Variants in ZNF676 observed in about 807,000 individuals in gnomAD.
The protein encoded by ZNF676 is zinc finger protein 676.
A neutral mutation model predicts 6.0 loss-of-function variants in ZNF676; 4 were observed. The observed-to-expected ratio is 0.67, with a 90% CI of 0.33 to 1.53. ZNF676 has a LOEUF of 1.53. Ranked by LOEUF, ZNF676 falls within the 40% of genes most tolerant of loss-of-function variation. The probability of loss-of-function intolerance (pLI) is 0.06; values close to 1 mark genes in which losing one functional copy is unlikely to be tolerated. For synonymous variants in ZNF676, 198 were observed against 223.1 expected, an observed-to-expected ratio of 0.89 and a Z score of 1.00; for missense variants, 644 against 679.7, an observed-to-expected ratio of 0.95 and a Z score of 0.58.
At chr19:22,235,113 C>CAGGAAGGAAGGAAGGAAGGA in the ZNF676 span, among the ~76,000 whole-genome samples, 14 of 102,758 alleles carry the variant, frequency 1.4e-4, no homozygotes, top group African/African-American at 6.1e-4. Flanking sequence ...GTCAGGAAGG[C>CAGGAAGGAAGGAAGGAAGGA]AGGAAGGCAG....
chr19:22,215,617 A>G, intron 1 of ZNF676: 1 of 1,609,534 alleles, frequency 6.2e-7, no homozygotes, highest in Non-Finnish European at 8.5e-7. Flanking sequence ...AGTGTGTCGG[A>G]CCCGGCACAC....
chr19:22,183,536 C>T (rs1387659525), intron 2 of ZNF676, among the ~76,000 whole-genome samples: 1 of 132,818 alleles, frequency 7.5e-6, no homozygotes, highest in African/African-American at 3.0e-5. Flanking sequence ...TGAGGTTTCA[C>T]AATGTTGGCC....
the ZNF676 span, among the ~76,000 whole-genome samples, chr19:22,232,645 G>C: frequency 2.8e-3 from 431 of 151,994 alleles, 3 homozygotes; most frequent in Admixed American, 5.7e-3. Flanking sequence ...AAAACATTCT[G>C]CTTGATAGAC....
At chr19:22,233,889 T>G in the ZNF676 span, among the ~76,000 whole-genome samples, 6 of 152,216 alleles carry the variant, frequency 3.9e-5, no homozygotes, top group East Asian at 1.2e-3. Context: ...CACCCATTGG[T>G]TAGCACTCAC....
the ZNF676 span, among the ~76,000 whole-genome samples, chr19:22,221,583 G>A: frequency 2.6e-5 from 4 of 152,022 alleles, no homozygotes; most frequent in East Asian, 1.9e-4. Flanking sequence ...AAACCCCATC[G>A]CTACTAAAAA....
chr19:22,236,199 C>T, the ZNF676 span, among the ~76,000 whole-genome samples: 2 of 151,778 alleles, frequency 1.3e-5, no homozygotes, highest in South Asian at 2.1e-4. Flanking sequence ...TTGGCTTTTC[C>T]CACCCTAATA....
At chr19:22,227,646 C>T in the ZNF676 span, among the ~76,000 whole-genome samples, 1 of 151,966 alleles carries the variant, frequency 6.6e-6, no homozygotes, top group Non-Finnish European at 1.5e-5. Flanking sequence ...AGAGAGGAAT[C>T]AAATAGATGC....
In ZNF676 at chr19:22,180,202, G is replaced by C. The variant is rs762995267; in HGVS notation, c.1515C>G (p.Tyr505Ter). Residue 505 changes from tyrosine (Y) to a stop codon, truncating the protein, a stop_gained, in exon 3 of 3, where the codon TAC becomes TAG. Coordinates refer to ENST00000397121, the MANE Select transcript of ZNF676 (RefSeq NM_001001411.3). LOFTEE classifies it low-confidence loss of function (END_TRUNC). Reference sequence around the variant, plus strand: ...AGGCTTTGCCACATTCTTCACATTTGTAGCGTTTCTCTCCAGTATGAATTA... The same window carrying C: ...AGGCTTTGCCACATTCTTCACATTTCTAGCGTTTCTCTCCAGTATGAATTA... ...HKIIHTGEKR[Y>*]KCEECGKAFS... 8.5e-5 allele frequency: 137 copies of C among 1,613,424 alleles called. 1 individual carries two copies. The South Asian group carries it at 1.4e-3, about 17-fold the overall frequency.
intron 1 of ZNF676, among the ~76,000 whole-genome samples, chr19:22,195,784 C>A (rs973948783): frequency 7.9e-5 from 12 of 152,176 alleles, no homozygotes; most frequent in African/African-American, 2.9e-4. Flanking sequence ...ATCCATGGGA[C>A]CTTGTGAAAG....
the ZNF676 span, among the ~76,000 whole-genome samples, chr19:22,247,815 C>T: frequency 6.6e-6 from 1 of 152,146 alleles, no homozygotes; most frequent in African/African-American, 2.4e-5. Context: ...TAGGCATGTA[C>T]AGGATCATAA....
chr19:22,208,883 G>A (rs1383912066), intron 1 of ZNF676, among the ~76,000 whole-genome samples: 1 of 152,156 alleles, frequency 6.6e-6, no homozygotes, highest in Non-Finnish European at 1.5e-5. Context: ...GTGAGTTTCA[G>A]CGAGCCAAGA....
chr19:22,179,409 A>G lies in ZNF676; in HGVS notation c.*541T>C. The G allele has an allele frequency of 3.0e-6, 1 of 328,862 alleles. No homozygotes were observed. Among genetic ancestry groups the G allele is most frequent in the Non-Finnish European group, 6.0e-6 (1 of 167,610 alleles). 20.4% of individuals were successfully genotyped at this position (328,862 alleles called of 1,614,324 possible). ...GTTGTCTTATATGTAGTAAGCCTTA[A>G]GGACTGGTTAAAGGCTTTGCCACAT... On this transcript the variant is annotated 3_prime_UTR_variant, in exon 3 of 3. Coordinates refer to ENST00000397121, the MANE Select transcript of ZNF676 (RefSeq NM_001001411.3).
intron 2 of ZNF676, among the ~76,000 whole-genome samples, chr19:22,187,073 C>G (rs1203263463): frequency 6.6e-6 from 1 of 152,156 alleles, no homozygotes; most frequent in African/African-American, 2.4e-5. Flanking sequence ...ATACATTCTT[C>G]TCAGCATCAC....
the ZNF676 span, among the ~76,000 whole-genome samples, chr19:22,242,017 C>T: frequency 5.9e-5 from 9 of 151,940 alleles, no homozygotes; most frequent in Middle Eastern, 3.4e-3. Context: ...CACCTGAGGG[C>T]TTTATACAGT....
chr19:22,209,661 G>GA (rs1483702005), intron 1 of ZNF676, among the ~76,000 whole-genome samples: 1 of 152,016 alleles, frequency 6.6e-6, no homozygotes, highest in Non-Finnish European at 1.5e-5. Flanking sequence ...AAAGTTAAAA[G>GA]AAAAAAATCC....
chr19:22,244,445 C>T, the ZNF676 span: 6 of 152,200 alleles, frequency 3.9e-5, no homozygotes, highest in African/African-American at 1.2e-4. Flanking sequence ...TTGGCTGATT[C>T]CAGGTACGGG....
In ZNF676 at chr19:22,180,831, G is replaced by A. The variant is rs1158931278; in HGVS notation, c.886C>T (p.Leu296Phe). 1.3e-6 allele frequency: 2 copies of A among 1,594,398 alleles called. No individual in the cohort carries two copies. The highest frequency in any genetic ancestry group is 1.1e-5 in the South Asian group (1 of 90,422). ...CGKASNSSSKLMEHKRIHTGE... is the reference protein window; with the variant it reads ...CGKASNSSSKFMEHKRIHTGE... ...GTATGAATTCTCTTATGTTCCATGA[G>A]CTTTGAGGACGAGTTGGAAGCTTTG... Residue 296 changes from leucine to phenylalanine, a missense_variant, in exon 3 of 3, where the codon CTC (leucine) becomes TTC (phenylalanine). Around this residue, in one of 5 missense-constraint regions of ZNF676, gnomAD observed 28 missense variants for 83.7 expected, o/e 0.33. Coordinates refer to ENST00000397121, the MANE Select transcript of ZNF676 (RefSeq NM_001001411.3).
chr19:22,199,760 TAGAAAACAGAAC>T (rs1292346771), upstream of ZNF676, among the ~76,000 whole-genome samples: 7 of 152,160 alleles, frequency 4.6e-5, no homozygotes, highest in Non-Finnish European at 8.8e-5. Context: ...CTGCAAAGAA[TAGAAAACAGAAC>T]AGAAAACAGA....
intron 2 of ZNF676, among the ~76,000 whole-genome samples, chr19:22,192,501 G>T (rs371907631): frequency 2.6e-5 from 4 of 152,038 alleles, no homozygotes; most frequent in South Asian, 4.2e-4. Flanking sequence ...AAGCAATCTT[G>T]AGGAAAAATA....
Sources: allele counts gnomAD v4.1 joint callset (sites outside exome capture counted in the v4.1 genomes callset), GRCh38; gene constraint gnomAD v4.1.1; regional missense constraint gnomAD v4.1.1; transcripts MANE v1.5; gene names NCBI Gene and HGNC (gene_info 2026-07-23, HGNC 2026-07-21).